FAM135A: variants seen among roughly 807,000 people sequenced by gnomAD.
FAM135A encodes the protein protein FAM135A.
FAM135A carries 79 observed loss-of-function variants against 146.8 expected under a neutral mutation model. The ratio of observed to expected loss-of-function variants is 0.54; its 90% CI spans 0.45 to 0.65. The LOEUF (loss-of-function observed/expected upper bound fraction) is 0.65. Ranked by LOEUF, FAM135A falls within the 30% of genes least tolerant of loss-of-function variation. The probability of loss-of-function intolerance (pLI) is 0.00; values close to 1 mark genes in which losing one functional copy is unlikely to be tolerated. For synonymous variants in FAM135A, 562 were observed against 603.6 expected (o/e 0.93, Z 1.01); for missense variants, 1,623 against 1,758.2 (o/e 0.92, Z 1.38).
intron 12 of FAM135A, among the ~76,000 whole-genome samples, chr6:70,516,605 G>A (rs540592983): frequency 7.1e-5 from 10 of 140,914 alleles, no homozygotes; most frequent in East Asian, 6.5e-4. Context: ...GCGTGACCTC[G>A]GCTCACTGCA....
intron 1 of FAM135A, among the ~76,000 whole-genome samples, chr6:70,414,161 C>CCTTGCCTGGCT (rs1766963953): frequency 6.6e-6 from 1 of 152,186 alleles, no homozygotes; most frequent in Non-Finnish European, 1.5e-5. Context: ...TGCTTCCATC[C>CCTTGCCTGGCT]CTTGCCTGGC....
At chr6:70,487,915 T>C (rs964588926) in intron 10 of FAM135A, among the ~76,000 whole-genome samples, 3 of 152,164 alleles carry the variant, frequency 2.0e-5, no homozygotes, top group African/African-American at 7.2e-5. Flanking sequence ...AACTAAAACA[T>C]AATGAAGTTA....
intron 5 of FAM135A, among the ~76,000 whole-genome samples, chr6:70,474,780 A>G (rs1418084780): frequency 6.6e-6 from 1 of 152,138 alleles, no homozygotes; most frequent in African/African-American, 2.4e-5. Context: ...ATTTTTATTG[A>G]TGTTTCCTTA....
intron 4 of FAM135A, among the ~76,000 whole-genome samples, chr6:70,430,220 C>G (rs1384217234): frequency 6.6e-6 from 1 of 152,012 alleles, no homozygotes; most frequent in Non-Finnish European, 1.5e-5. Context: ...GCCTGTAATC[C>G]CAGCTACTCG....
chr6:70,548,631 A>C (rs560582021), intron 20 of FAM135A, among the ~76,000 whole-genome samples: 14 of 152,306 alleles, frequency 9.2e-5, no homozygotes, highest in Non-Finnish European at 2.1e-4. Flanking sequence ...GTAAAGAGCT[A>C]TTTTGAAAAA....
chr6:70,452,681 A>T, intron 5 of FAM135A, 110 bp downstream of exon 5: 1 of 651,078 alleles, frequency 1.5e-6, no homozygotes, highest in South Asian at 2.8e-5. Context: ...TAACATCATT[A>T]TGATAACCAT....
Position 70,491,095 on chromosome 6 carries a change from T to C in FAM135A, c.873+12T>C, listed in dbSNP as rs1785836318. The C allele has an allele frequency of 6.3e-7, 1 of 1,591,776 alleles. No individual in the cohort carries two copies. The highest frequency in any genetic ancestry group is 1.4e-5 in the African/African-American group (1 of 73,990). The stretch of plus-strand genomic sequence containing the variant: ...GTGAAGAAGTTAAGGTACTTGGATT[T>C]TTTAAATTCACATCATCAAGTTATT... On this transcript the variant is annotated intron_variant, in intron 11 of 21. Coordinates refer to ENST00000418814, the MANE Select transcript of FAM135A (RefSeq NM_001162529.3).
intron 4 of FAM135A, among the ~76,000 whole-genome samples, chr6:70,447,967 A>G (rs9455113): frequency 0.2 from 30,680 of 152,030 alleles, 3,397 homozygotes; most frequent in African/African-American, 0.29. Context: ...TCGACTAAAT[A>G]TGCTTTCCCG....
intron 20 of FAM135A, among the ~76,000 whole-genome samples, chr6:70,541,190 C>A (rs1797853264): frequency 6.6e-6 from 1 of 152,176 alleles, no homozygotes. Context: ...CCCATTTCTT[C>A]CATCTTAATA....
At chr6:70,482,887 C>A (rs1397449507) in intron 10 of FAM135A, among the ~76,000 whole-genome samples, 2 of 151,576 alleles carry the variant, frequency 1.3e-5, no homozygotes, top group Non-Finnish European at 2.9e-5. Flanking sequence ...TGGCTAATAG[C>A]TTATAAAAAT....
intron 5 of FAM135A, among the ~76,000 whole-genome samples, chr6:70,463,226 T>C (rs1024438907): frequency 3.3e-5 from 5 of 152,150 alleles, no homozygotes; most frequent in African/African-American, 7.2e-5. Flanking sequence ...AGCAGTTAGA[T>C]GTTTCCTTTG....
chr6:70,461,516 C>T (rs1365566042), intron 5 of FAM135A, among the ~76,000 whole-genome samples: 1 of 151,988 alleles, frequency 6.6e-6, no homozygotes, highest in East Asian at 1.9e-4. Flanking sequence ...TATTATATAG[C>T]AAGTAATGAA....
At chr6:70,437,864 CTATATT>C (rs1422475070) in intron 4 of FAM135A, among the ~76,000 whole-genome samples, 1 of 152,020 alleles carries the variant, frequency 6.6e-6, no homozygotes, top group Non-Finnish European at 1.5e-5. Context: ...CTTTATTTCT[CTATATT>C]TATTAATAAA....
At chr6:70,538,472 AAT>A in intron 20 of FAM135A, 71 bp downstream of exon 20, 1 of 819,300 alleles carries the variant, frequency 1.2e-6, no homozygotes, top group East Asian at 3.2e-5. Flanking sequence ...TTAGCAAATA[AAT>A]TATCAACATG....
intron 4 of FAM135A, 101 bp from the exon 5 acceptor site, chr6:70,452,391 G>A: frequency 1.2e-6 from 1 of 828,742 alleles, no homozygotes; most frequent in Non-Finnish European, 1.9e-6. Context: ...GATATAATTA[G>A]GCCAACTTTA....
At position 70,525,915 on chromosome 6, in the gene FAM135A, T is replaced by C; in HGVS notation, c.2831T>C (p.Leu944Ser). 1 of 1,613,354 alleles carries C rather than the reference T, an allele frequency of 6.2e-7. No homozygotes were observed. Among genetic ancestry groups the C allele is most frequent in the Non-Finnish European group, 8.5e-7 (1 of 1,179,586 alleles). ...AGTAGTTGCAGCTCCAAACCTAACT[T>C]GGATACTATGTGTAAAGGCTTCCAG... ...VKSSCSSKPN[L>S]DTMCKGFQSP... Residue 944 changes from leucine to serine, a missense_variant, in exon 15 of 22, where the codon TTG (leucine) becomes TCG (serine). Coordinates refer to ENST00000418814, the MANE Select transcript of FAM135A (RefSeq NM_001162529.3).
intron 10 of FAM135A, among the ~76,000 whole-genome samples, chr6:70,483,216 G>A (rs1243585011): frequency 6.6e-6 from 1 of 152,136 alleles, no homozygotes; most frequent in Admixed American, 6.5e-5. Flanking sequence ...CTACTCAAGT[G>A]CATTTAATTA....
intron 16 of FAM135A, among the ~76,000 whole-genome samples, chr6:70,532,003 T>A (rs1181798619): frequency 6.7e-6 from 1 of 149,032 alleles, no homozygotes; most frequent in East Asian, 2.0e-4. Context: ...CTGCCTCAGC[T>A]TCCCGAGTAG....
intron 2 of FAM135A, among the ~76,000 whole-genome samples, chr6:70,422,686 G>A (rs1488181880): frequency 6.6e-6 from 1 of 152,200 alleles, no homozygotes; most frequent in African/African-American, 2.4e-5. Flanking sequence ...TCTGCTTTCA[G>A]TATATCAGTG....
Sources: allele counts gnomAD v4.1 joint callset (sites outside exome capture counted in the v4.1 genomes callset), GRCh38; gene constraint gnomAD v4.1.1; transcripts MANE v1.5; gene names NCBI Gene and HGNC (gene_info 2026-07-23, HGNC 2026-07-21).